Variants in OSBPL3 observed in about 807,000 individuals in gnomAD.
The protein encoded by OSBPL3 is oxysterol-binding protein-related protein 3.
OSBPL3 carries 65 observed loss-of-function variants against 120.1 expected under a neutral mutation model. The ratio of observed to expected loss-of-function variants is 0.54; its 90% confidence interval spans 0.44 to 0.67. The LOEUF is 0.67. OSBPL3 is among the 30% of genes least tolerant of loss of function. The pLI, the probability that OSBPL3 is intolerant of heterozygous loss-of-function variation, is 0.00. For missense variants in OSBPL3, 1,004 were observed against 1,082.1 expected (o/e 0.93, Z 1.01); for synonymous variants, 416 against 402.6 (o/e 1.03, Z -0.40).
rs531195026 is a variant in OSBPL3, at chr7:24,973,796, C to T, written c.-150+6090G>A. Among the ~76,000 whole-genome samples, 528 of 152,218 alleles carry T rather than the reference C, an allele frequency of 3.5e-3. 1 individual carries two copies. The highest frequency in any genetic ancestry group is 0.012 in the African/African-American group (507 of 41,532). ...CCAATCCTTTCATACCAGAGGAATCCTTTATAAAAAATATTATACTCCAGA... is the reference window on the plus strand; with the variant it reads ...CCAATCCTTTCATACCAGAGGAATCTTTTATAAAAAATATTATACTCCAGA... On this transcript the variant is annotated intron_variant, in intron 1 of 22. Transcript: ENST00000313367.
At position 24,919,647 on chromosome 7, in the gene OSBPL3, G is replaced by GT. The variant is rs1180584088; in HGVS notation, c.-149-27027_-149-27026insA. Among the ~76,000 whole-genome samples, 9 of 151,676 alleles carry GT rather than the reference G, an allele frequency of 5.9e-5. No individual in the cohort carries two copies. The East Asian group carries it at 1.7e-3, about 29-fold the overall frequency. On this transcript the variant is annotated intron_variant, in intron 1 of 22. Coordinates refer to ENST00000313367, the MANE Select transcript of OSBPL3 (RefSeq NM_015550.4). ...CTTAAAAACACAAGCAACTAAGGGG[G>GT]AAAAAAGTGATAAATTGGACTTCAT...
Position 24,946,035 on chromosome 7 carries a change from G to A in OSBPL3, c.-150+33851C>T, listed in dbSNP as rs12533143. Reference sequence around the variant, plus strand: ...TTTGATGGCAATCAGATGCCAGGTGGGGCTGGAGCTAGGTGGGGCTAGAGT... The same window carrying A: ...TTTGATGGCAATCAGATGCCAGGTGAGGCTGGAGCTAGGTGGGGCTAGAGT... On this transcript the variant is annotated intron_variant, in intron 1 of 22. Coordinates refer to ENST00000313367, the MANE Select transcript of OSBPL3 (RefSeq NM_015550.4). This position sits in a 1 kb window ranked among gnomAD's most constrained non-coding sequence, Gnocchi z 4.3. Among the ~76,000 whole-genome samples the A allele has an allele frequency of 0.24, 36,936 of 152,036 alleles. 5,371 individuals are homozygous for A. Among genetic ancestry groups the A allele is most frequent in the Non-Finnish European group, 0.34 (23,217 of 67,962 alleles).
At chr7:24,811,099 T>C (rs1030319951) in intron 19 of OSBPL3, among the ~76,000 whole-genome samples, 1 of 152,234 alleles carries the variant, frequency 6.6e-6, no homozygotes, top group African/African-American at 2.4e-5. Context: ...TTTTAGGAAC[T>C]TCCATTCTGT....
rs763482835 is a variant in OSBPL3 at position 24,830,896 on chromosome 7, C to A, written c.1756G>T (p.Ala586Ser). The change falls in exon 16 of 23, where the codon GCA (alanine) becomes TCA (serine). Residue 586 changes from alanine to serine, a missense_variant. Physicochemically the swap from Ala to Ser is moderately conservative, Grantham distance 99. Coordinates refer to ENST00000313367, the MANE Select transcript of OSBPL3 (RefSeq NM_015550.4). The surrounding 1 kb of genome is among the most constrained non-coding windows in gnomAD (Gnocchi z 4.4). ...PSPLERMVYV[A>S]AFAISAYASS... ...GCATACGCTGATATGGCAAAGGCTG[C>A]CACATATACCTAAGGACAAGAGAAA... 1 of 1,606,852 alleles carries A rather than the reference C, an allele frequency of 6.2e-7. No homozygotes were observed.
intron 15 of OSBPL3, among the ~76,000 whole-genome samples, chr7:24,832,716 C>G (rs566078501): frequency 1.1e-4 from 17 of 152,034 alleles, no homozygotes; most frequent in Admixed American, 6.6e-5. Context: ...TAGAACACAA[C>G]CGATGAAAGA....
intron 1 of OSBPL3, among the ~76,000 whole-genome samples, chr7:24,895,446 C>T (rs1332345900): frequency 6.6e-6 from 1 of 152,188 alleles, no homozygotes; most frequent in Admixed American, 6.5e-5. Flanking sequence ...TAAGTATACT[C>T]TATGATGTTC....
intron 1 of OSBPL3, among the ~76,000 whole-genome samples, chr7:24,971,427 G>A (rs1169439510): frequency 6.6e-6 from 1 of 152,226 alleles, no homozygotes; most frequent in Admixed American, 6.5e-5. Flanking sequence ...TCCGTGGAAT[G>A]GAAAGCTACA....
rs1264577252 is a variant in OSBPL3 at position 24,881,712 on chromosome 7, G to C, written c.97-9643C>G. Among the ~76,000 whole-genome samples the C allele has an allele frequency of 2.0e-5, 3 of 152,154 alleles. No homozygotes were observed. Among genetic ancestry groups the C allele is most frequent in the Non-Finnish European group, 4.4e-5 (3 of 68,022 alleles). ...AACTTGATGAGCAGTCACAAACTTTGGTGGCTTAAATAAACAGATATTTAT... is the reference window on the plus strand; with the variant it reads ...AACTTGATGAGCAGTCACAAACTTTCGTGGCTTAAATAAACAGATATTTAT... On this transcript the variant is annotated intron_variant, in intron 2 of 22. Coordinates refer to ENST00000313367, the MANE Select transcript of OSBPL3 (RefSeq NM_015550.4). This position sits in a 1 kb window ranked among gnomAD's most constrained non-coding sequence, Gnocchi z 4.3.
In OSBPL3 at chr7:24,797,846, G is replaced by A. The variant is rs1791882726; in HGVS notation, c.*2337C>T. 1 of 152,154 alleles carries A rather than the reference G, an allele frequency of 6.6e-6. No homozygotes were observed. The highest frequency in any genetic ancestry group is 6.6e-5 in the Admixed American group (1 of 15,264). 9.4% of individuals were successfully genotyped at this position (152,154 alleles called of 1,614,324 possible). On this transcript the variant is annotated 3_prime_UTR_variant, in exon 23 of 23. Coordinates refer to ENST00000313367, the MANE Select transcript of OSBPL3 (RefSeq NM_015550.4). This position sits in a 1 kb window ranked among gnomAD's most constrained non-coding sequence, Gnocchi z 4.8. ...AATTCTACCTTGGTTCTTCCCAAAT[G>A]ATGCCACGTTTCTGTTTTCTTCCTC...
chr7:24,942,120 A>T (rs1813172120), intron 1 of OSBPL3, among the ~76,000 whole-genome samples: 1 of 151,016 alleles, frequency 6.6e-6, no homozygotes. Flanking sequence ...TGTCCAGCTG[A>T]CTCAAGAAGC....
At chr7:24,870,129 T>C (rs1801895682) in intron 5 of OSBPL3, among the ~76,000 whole-genome samples, 2 of 152,208 alleles carry the variant, frequency 1.3e-5, no homozygotes, top group South Asian at 2.1e-4. Flanking sequence ...TTGCCAAAGT[T>C]CAATGGCTAG....
In OSBPL3 at chr7:24,947,592, A is replaced by T. The variant is rs949170885; in HGVS notation, c.-150+32294T>A. 4.6e-5 allele frequency among the ~76,000 whole-genome samples: 7 copies of T among 152,212 alleles called. No individual in the cohort carries two copies. The highest frequency in any genetic ancestry group is 1.7e-4 in the African/African-American group (7 of 41,438). On this transcript the variant is annotated intron_variant, in intron 1 of 22. Coordinates refer to ENST00000313367, the MANE Select transcript of OSBPL3 (RefSeq NM_015550.4). This position sits in a 1 kb window ranked among gnomAD's most constrained non-coding sequence, Gnocchi z 4.4. The stretch of plus-strand genomic sequence containing the variant: ...ATATTTAATCCCTAACCATACCAAC[A>T]ACTTATCTATATGGGTAAGAAGGAA...
At chr7:24,963,947 T>TAA (rs901263589) in intron 1 of OSBPL3, among the ~76,000 whole-genome samples, 4 of 150,780 alleles carry the variant, frequency 2.7e-5, no homozygotes, top group Non-Finnish European at 5.9e-5. Context: ...AAGGACATGC[T>TAA]AAAAAAAAAT....
chr7:24,868,954 A>G (rs1440768760), intron 5 of OSBPL3, among the ~76,000 whole-genome samples: 1 of 152,206 alleles, frequency 6.6e-6, no homozygotes, highest in Non-Finnish European at 1.5e-5. Flanking sequence ...TCTCTCAAGC[A>G]GTTCTAGGGC....
intron 2 of OSBPL3, among the ~76,000 whole-genome samples, chr7:24,886,554 A>G (rs1804553835): frequency 6.6e-6 from 1 of 152,232 alleles, no homozygotes; most frequent in African/African-American, 2.4e-5. Context: ...ACCTGCCCCA[A>G]TAGAAGGATA....
intron 5 of OSBPL3, among the ~76,000 whole-genome samples, chr7:24,870,502 C>T (rs1374058443): frequency 6.6e-6 from 1 of 152,116 alleles, no homozygotes; most frequent in Non-Finnish European, 1.5e-5. Context: ...TCACTGGGGG[C>T]AGGTTCGTAT....
In OSBPL3 at chr7:24,966,241, A is replaced by G. The variant is rs994448064; in HGVS notation, c.-150+13645T>C. On this transcript the variant is annotated intron_variant, in intron 1 of 22. Transcript: ENST00000313367. The surrounding 1 kb of genome is among the most constrained non-coding windows in gnomAD (Gnocchi z 4.8). Reference sequence around the variant, plus strand: ...CACCTGCGGAGACCACACACTGCACATTTTACAAAAGAAACCAAACTCCCA... The same window carrying G: ...CACCTGCGGAGACCACACACTGCACGTTTTACAAAAGAAACCAAACTCCCA... Among the ~76,000 whole-genome samples, 1 of 152,146 alleles carries G rather than the reference A, an allele frequency of 6.6e-6. No homozygotes were observed. The highest frequency in any genetic ancestry group is 1.5e-5 in the Non-Finnish European group (1 of 68,008).
rs1177423875 is a variant in OSBPL3, at chr7:24,831,256, TG to T, written c.1747-352del. On this transcript the variant is annotated intron_variant, in intron 15 of 22. Coordinates refer to ENST00000313367, the MANE Select transcript of OSBPL3 (RefSeq NM_015550.4). This position sits in a 1 kb window ranked among gnomAD's most constrained non-coding sequence, Gnocchi z 4.0. ...ACAGTATCTGAGGATCCTAATATGG[TG>T]CTAAGCCTTCAGGGGTGGAGTGGGG... is the stretch of plus-strand genomic sequence containing the variant. Among the ~76,000 whole-genome samples the T allele has an allele frequency of 6.6e-6, 1 of 152,144 alleles. No homozygotes were observed.
rs1464105614 is a variant in OSBPL3 at position 24,953,227 on chromosome 7, C to T, written c.-150+26659G>A. 6.6e-6 allele frequency among the ~76,000 whole-genome samples: 1 copy of T among 152,200 alleles called. No individual in the cohort carries two copies. The highest frequency in any genetic ancestry group is 1.5e-5 in the Non-Finnish European group (1 of 68,034). ...TCACTTAAGTAGTTTTGCTTCATCA[C>T]TTTAATTATTCTGGCAACCCATCTA... On this transcript the variant is annotated intron_variant, in intron 1 of 22. Transcript: ENST00000313367. The surrounding 1 kb of genome is among the most constrained non-coding windows in gnomAD (Gnocchi z 4.3).
Sources: allele counts gnomAD v4.1 joint callset (sites outside exome capture counted in the v4.1 genomes callset), GRCh38; gene constraint gnomAD v4.1.1; non-coding constraint Gnocchi (gnomAD v3.1); transcripts MANE v1.5; gene names NCBI Gene and HGNC (gene_info 2026-07-23, HGNC 2026-07-21).